Variants in MGAM observed in about 807,000 individuals in gnomAD.
The protein encoded by MGAM is alpha-1,4-glucosidase.
MGAM carries 253 observed loss-of-function variants against 358.8 expected under a neutral mutation model. The observed-to-expected ratio is 0.71, with a 90% CI of 0.64 to 0.78. The LOEUF (loss-of-function observed/expected upper bound fraction) is 0.78. Among genes scored for constraint, MGAM ranks in the 30% least tolerant of loss-of-function variants. MGAM has a pLI of 0.00. For missense variants in MGAM, 3,080 were observed against 3,432.6 expected (o/e 0.90, Z 2.57); for synonymous variants, 1,105 against 1,227.1 (o/e 0.90, Z 2.08).
chr7:142,042,847 TATA>T (rs1483797297), intron 21 of MGAM, among the ~76,000 whole-genome samples: 2 of 44,462 alleles, frequency 4.5e-5, no homozygotes, highest in Non-Finnish European at 8.9e-5. Flanking sequence ...TATATATACA[TATA>T]ATATCTAAAT....
At chr7:141,989,108 G>GTA (rs1411737403) in intron 2 of MGAM, among the ~76,000 whole-genome samples, 4 of 151,086 alleles carry the variant, frequency 2.6e-5, no homozygotes, top group Admixed American at 1.3e-4. Flanking sequence ...GTGTGTGTGT[G>GTA]TATGAGTATG....
chr7:142,021,833 G>A, intron 6 of MGAM, 96 bp downstream of exon 6: 1 of 1,317,366 alleles, frequency 7.6e-7, no homozygotes, highest in Non-Finnish European at 1.1e-6. Flanking sequence ...ATTCCTGAAG[G>A]TTGTGGGCCC....
At chr7:142,099,164 G>A (rs1364107343) in intron 66 of MGAM, among the ~76,000 whole-genome samples, 1 of 152,188 alleles carries the variant, frequency 6.6e-6, no homozygotes, top group African/African-American at 2.4e-5. Flanking sequence ...CAACAGAGTG[G>A]GGGTGAGGAG....
intron 44 of MGAM, among the ~76,000 whole-genome samples, chr7:142,072,303 AT>A (rs1813409384): frequency 6.8e-6 from 1 of 145,986 alleles, no homozygotes; most frequent in Admixed American, 6.9e-5. Flanking sequence ...ATACCCATGT[AT>A]TTTACTGCAT....
chr7:142,008,734 T>C (rs782525715), intron 3 of MGAM, 29 bp downstream of exon 3: 4 of 1,601,036 alleles, frequency 2.5e-6, no homozygotes, highest in Non-Finnish European at 3.4e-6. Context: ...GTTTCCATTT[T>C]AGAATTTATG....
intron 8 of MGAM, among the ~76,000 whole-genome samples, chr7:142,025,961 A>G (rs1311053592): frequency 2.6e-5 from 4 of 152,166 alleles, no homozygotes; most frequent in African/African-American, 9.7e-5. Flanking sequence ...AGATAATATA[A>G]TAGAAAGACT....
intron 13 of MGAM, among the ~76,000 whole-genome samples, chr7:142,032,468 C>T (rs1453485140): frequency 6.6e-6 from 1 of 152,094 alleles, no homozygotes; most frequent in Non-Finnish European, 1.5e-5. Context: ...TTTCTCTCCA[C>T]ATATATGTTT....
intron 1 of MGAM, among the ~76,000 whole-genome samples, chr7:141,996,411 C>CT (rs1554448701): frequency 1.3e-5 from 2 of 151,764 alleles, no homozygotes; most frequent in African/African-American, 4.8e-5. Flanking sequence ...TCTCATTTAT[C>CT]TTTTTTTCTT....
intron 3 of MGAM, among the ~76,000 whole-genome samples, chr7:142,013,931 A>C (rs782114548): frequency 1.6e-4 from 24 of 152,144 alleles, no homozygotes; most frequent in Non-Finnish European, 2.9e-4. Context: ...TGTCCCAGAA[A>C]TTCTGATTTA....
At chr7:142,061,597 C>G (rs1266970468) in intron 34 of MGAM, among the ~76,000 whole-genome samples, 2 of 152,126 alleles carry the variant, frequency 1.3e-5, no homozygotes, top group African/African-American at 4.8e-5. Flanking sequence ...CTGGAGCTCC[C>G]CTAGACCAAG....
chr7:142,034,378 G>A lies in MGAM; in HGVS notation c.1786G>A (p.Glu596Lys). ...CTACTCCATGGCGGTCGCCACAGCA[G>A]AGTAAGGCCACTATGGCTATGACCT... ...YGYSMAVATAEAAKTVFPNKR... is the reference protein window; with the variant it reads ...YGYSMAVATAKAAKTVFPNKR... The change falls in exon 15 of 71, where the codon GAA becomes AAA. Residue 596 changes from glutamate to lysine, a missense_variant and splice_region_variant. Around this residue, in one of 5 missense-constraint regions of MGAM, gnomAD observed 1,816 missense variants for 1,840.5 expected, o/e 0.99. Transcript: ENST00000475668. 1 of 1,553,440 alleles carries A rather than the reference G, an allele frequency of 6.4e-7. No individual in the cohort carries two copies. The highest frequency in any genetic ancestry group is 8.8e-7 in the Non-Finnish European group (1 of 1,141,902).
At chr7:142,041,921 A>ATATTATAT (rs1161778959) in intron 21 of MGAM, among the ~76,000 whole-genome samples, 1 of 19,186 alleles carries the variant, frequency 5.2e-5, no homozygotes, top group Non-Finnish European at 8.5e-5. Flanking sequence ...ATATACGTAT[A>ATATTATAT]ATATATAATA....
At chr7:142,071,986 T>C (rs1303165315) in intron 44 of MGAM, among the ~76,000 whole-genome samples, 1 of 146,310 alleles carries the variant, frequency 6.8e-6, no homozygotes, top group Admixed American at 6.9e-5. Context: ...CTCTTACTGC[T>C]TTAATTTTTC....
intron 3 of MGAM, among the ~76,000 whole-genome samples, chr7:142,013,571 A>G (rs1407712352): frequency 1.3e-5 from 2 of 152,214 alleles, no homozygotes; most frequent in African/African-American, 2.4e-5. Flanking sequence ...GTGGAAAGAC[A>G]TAGGGAATTA....
At chr7:142,079,334 C>T (rs1050802064) in intron 49 of MGAM, among the ~76,000 whole-genome samples, 1 of 145,190 alleles carries the variant, frequency 6.9e-6, no homozygotes, top group African/African-American at 2.4e-5. Flanking sequence ...GAACAGTGCA[C>T]CTAGTTGAGA....
rs1554455112 is a variant in MGAM, at chr7:142,013,667, A to G, written c.327+4962A>G. 2.0e-5 allele frequency among the ~76,000 whole-genome samples: 3 copies of G among 152,160 alleles called. 1 individual carries two copies. The highest frequency in any genetic ancestry group is 7.2e-5 in the African/African-American group (3 of 41,432). ...GGGTGGCAATTTCTCTTTTTTATACAAAAATATGTGAGAAAGTATTTTTAA... is the reference window on the plus strand; with the variant it reads ...GGGTGGCAATTTCTCTTTTTTATACGAAAATATGTGAGAAAGTATTTTTAA... On this transcript the variant is annotated intron_variant, in intron 3 of 70. Coordinates refer to ENST00000475668, the MANE Select transcript of MGAM (RefSeq NM_001365693.1).
At chr7:142,091,454 T>A (rs1435240182) in intron 57 of MGAM, among the ~76,000 whole-genome samples, 2 of 146,066 alleles carry the variant, frequency 1.4e-5, no homozygotes, top group African/African-American at 4.9e-5. Flanking sequence ...TCTTATATCC[T>A]GAAATGTAAT....
intron 21 of MGAM, among the ~76,000 whole-genome samples, chr7:142,045,464 TTA>T (rs1245472359): frequency 4.5e-5 from 5 of 111,606 alleles, no homozygotes; most frequent in South Asian, 2.5e-4. Context: ...ACATGATATA[TTA>T]TATATATTAT....
rs1288423725 is a variant in MGAM at position 142,095,708 on chromosome 7, C to T, written c.7602C>T (p.Leu2534=). 2 of 1,613,812 alleles carry T rather than the reference C, an allele frequency of 1.2e-6. No individual in the cohort carries two copies. Among genetic ancestry groups the T allele is most frequent in the East Asian group, 4.5e-5 (2 of 44,890 alleles). Residue 2534 remains leucine (L), a synonymous_variant, in exon 64 of 71, where the codon CTC becomes CTT. Coordinates refer to ENST00000475668, the MANE Select transcript of MGAM (RefSeq NM_001365693.1). ...TEGVTVVRPL[L]HEFVSDQVTW... is the part of the protein sequence containing the mutation. Reference sequence around the variant, plus strand: ...GCGTCACTGTTGTGCGGCCTCTGCTCCATGAGTGAGTGTCCAGCAGGGATC... The same window carrying T: ...GCGTCACTGTTGTGCGGCCTCTGCTTCATGAGTGAGTGTCCAGCAGGGATC...
Sources: allele counts gnomAD v4.1 joint callset (sites outside exome capture counted in the v4.1 genomes callset), GRCh38; gene constraint gnomAD v4.1.1; regional missense constraint gnomAD v4.1.1; transcripts MANE v1.5; gene names NCBI Gene and HGNC (gene_info 2026-07-23, HGNC 2026-07-21).